FOXP1: variants seen among roughly 807,000 people sequenced by gnomAD.
FOXP1 encodes the protein forkhead box protein P1.
FOXP1 carries 15 observed loss-of-function variants against 98.2 expected under a neutral mutation model. That is an observed-to-expected ratio of 0.15 (90% CI 0.10 to 0.24). The LOEUF (loss-of-function observed/expected upper bound fraction) is 0.24. FOXP1 is among the 10% of genes least tolerant of loss of function. The pLI is 1.00. For synonymous variants in FOXP1, 371 were observed against 314.5 expected, an observed-to-expected ratio of 1.18 and a Z score of -1.90; for missense variants, 633 against 848.5, an observed-to-expected ratio of 0.75 and a Z score of 3.15.
intron 6 of FOXP1, among the ~76,000 whole-genome samples, chr3:71,135,288 C>T (rs1358983029): frequency 1.3e-5 from 2 of 151,526 alleles, no homozygotes; most frequent in Non-Finnish European, 2.9e-5. Context: ...AGTTATAATC[C>T]CCTATTAAGA....
At chr3:71,440,593 G>T (rs190137749) in intron 3 of FOXP1, among the ~76,000 whole-genome samples, 1 of 151,974 alleles carries the variant, frequency 6.6e-6, no homozygotes, top group African/African-American at 2.4e-5. Context: ...CAGAAGAATC[G>T]GCTGAGGCAG....
At chr3:70,994,543 T>C (rs1207077674) in intron 13 of FOXP1, among the ~76,000 whole-genome samples, 1 of 152,156 alleles carries the variant, frequency 6.6e-6, no homozygotes, top group Admixed American at 6.5e-5. Context: ...CCCTTGCTTT[T>C]AGAAACTCTG....
intron 2 of FOXP1, among the ~76,000 whole-genome samples, chr3:71,580,637 CA>C (rs1314527332): frequency 6.6e-6 from 1 of 152,052 alleles, no homozygotes; most frequent in East Asian, 1.9e-4. Flanking sequence ...CTAGTTTACA[CA>C]TCTCCCTCCA....
At chr3:71,475,975 C>T (rs1191145568) in intron 3 of FOXP1, among the ~76,000 whole-genome samples, 2 of 150,648 alleles carry the variant, frequency 1.3e-5, no homozygotes, top group Non-Finnish European at 2.9e-5. Flanking sequence ...GATACCTTTA[C>T]CACGTCAATG....
rs11914321 is a variant in FOXP1, at chr3:71,047,343, C to G, written c.511-248G>C. 9.6e-3 allele frequency among the ~76,000 whole-genome samples: 1,465 copies of G among 152,228 alleles called. 20 individuals carry two copies. The highest frequency in any genetic ancestry group is 0.026 in the African/African-American group (1,077 of 41,538). ...AATTCGTCCATCAAGCCAGCTTTCC[C>G]CCCAGTTTGAAAGGTCTGAGTTTTG... On this transcript the variant is annotated intron_variant, in intron 9 of 20. Transcript: ENST00000649528.
At chr3:71,322,810 A>ATGTGTTT (rs1576967048) in intron 4 of FOXP1, among the ~76,000 whole-genome samples, 2 of 152,176 alleles carry the variant, frequency 1.3e-5, no homozygotes, top group African/African-American at 4.8e-5. Flanking sequence ...TGACCACTGG[A>ATGTGTTT]TGTGTTTTGT....
At chr3:71,111,552 C>T (rs973830906) in intron 7 of FOXP1, among the ~76,000 whole-genome samples, 1 of 152,108 alleles carries the variant, frequency 6.6e-6, no homozygotes, top group Non-Finnish European at 1.5e-5. Flanking sequence ...CACCCGCCAC[C>T]AAGCTTGGCT....
intron 3 of FOXP1, among the ~76,000 whole-genome samples, chr3:71,384,583 T>C (rs60471552): frequency 0.045 from 6,813 of 152,250 alleles, 511 homozygotes; most frequent in African/African-American, 0.15. Context: ...CTCTCAGTAA[T>C]GTGGCCAATT....
intron 4 of FOXP1, among the ~76,000 whole-genome samples, chr3:71,342,718 A>G (rs1382462604): frequency 1.3e-5 from 2 of 151,260 alleles, no homozygotes; most frequent in African/African-American, 4.9e-5. Context: ...ACCTTGATCC[A>G]AGTCTAAAAT....
chr3:71,048,069 G>A (rs2049282617), intron 9 of FOXP1, among the ~76,000 whole-genome samples: 3 of 152,040 alleles, frequency 2.0e-5, no homozygotes, highest in Admixed American at 6.6e-5. Context: ...CAATCGTATC[G>A]AGGTGGAGGT....
At chr3:71,483,782 C>G (rs1484206495) in intron 3 of FOXP1, among the ~76,000 whole-genome samples, 1 of 151,996 alleles carries the variant, frequency 6.6e-6, no homozygotes, top group Admixed American at 6.6e-5. Flanking sequence ...GACTGAGCCT[C>G]CCACCATCAC....
chr3:71,191,153 G>A (rs1442504563), intron 6 of FOXP1, among the ~76,000 whole-genome samples: 2 of 152,204 alleles, frequency 1.3e-5, no homozygotes, highest in Non-Finnish European at 2.9e-5. Context: ...TGCCTGCTCA[G>A]CACTAGTTGT....
intron 6 of FOXP1, among the ~76,000 whole-genome samples, chr3:71,163,949 C>A (rs1235520681): frequency 6.6e-6 from 1 of 152,094 alleles, no homozygotes; most frequent in Non-Finnish European, 1.5e-5. Flanking sequence ...GCTTGCTCTC[C>A]TTCACAATGG....
intron 5 of FOXP1, among the ~76,000 whole-genome samples, chr3:71,215,417 T>A (rs1467987503): frequency 2.0e-5 from 3 of 152,128 alleles, no homozygotes; most frequent in Admixed American, 1.3e-4. Flanking sequence ...ATTAGACACA[T>A]AAATAAGTGG....
Position 71,457,325 on chromosome 3 carries a change from C to A in FOXP1, c.-168+36101G>T, listed in dbSNP as rs568017560. The stretch of plus-strand genomic sequence containing the variant: ...GTACTGTACCCACATGATCCTAGAA[C>A]TTCTAGGTAAATTACAATTACTGTG... On this transcript the variant is annotated intron_variant, in intron 3 of 20. Transcript: ENST00000649528. 3.9e-5 allele frequency among the ~76,000 whole-genome samples: 6 copies of A among 152,290 alleles called. No homozygotes were observed. The East Asian group carries it at 7.7e-4, about 20-fold the overall frequency.
rs773124823 is a variant in FOXP1, at chr3:70,972,712, T to C, written c.1531-36A>G. ...TATAAAAGAGAGAACATTTACATTT[T>C]CTATAAGAAAAGACTCCAAAAACAG... On this transcript the variant is annotated intron_variant, in intron 17 of 20. Transcript: ENST00000649528. The C allele has an allele frequency of 1.1e-5, 17 of 1,610,920 alleles. 1 individual carries two copies. In the South Asian group the frequency reaches 1.8e-4, roughly 17 times the overall value.
intron 7 of FOXP1, among the ~76,000 whole-genome samples, chr3:71,067,749 C>CACACACACACACACAA (rs2052703874): frequency 6.7e-6 from 1 of 150,092 alleles, no homozygotes; most frequent in Admixed American, 6.6e-5. Flanking sequence ...CACACACACA[C>CACACACACACACACAA]ACACACACAC....
chr3:71,559,871 G>A (rs138071192), intron 2 of FOXP1, among the ~76,000 whole-genome samples: 26 of 151,338 alleles, frequency 1.7e-4, no homozygotes, highest in Admixed American at 2.6e-4. Flanking sequence ...TTGCGGGGGG[G>A]ACCTACTAGG....
chr3:70,987,961 G>GC lies in FOXP1; in HGVS notation c.1146+32_1146+33insG, dbSNP rs764553395. 19 of 1,600,634 alleles carry GC rather than the reference G, an allele frequency of 1.2e-5. 1 individual carries two copies. Among genetic ancestry groups the GC allele is most frequent in the Non-Finnish European group, 1.6e-5 (19 of 1,168,026 alleles). On this transcript the variant is annotated intron_variant, in intron 14 of 20. Coordinates refer to ENST00000649528, the MANE Select transcript of FOXP1 (RefSeq NM_001349338.3). ...GTAGAAAAGGAATACTGTGAGTTTT[G>GC]TTTTTTTCCCCTTGGTGGGGATCAA... is the stretch of plus-strand genomic sequence containing the variant.
Sources: allele counts gnomAD v4.1 joint callset (sites outside exome capture counted in the v4.1 genomes callset), GRCh38; gene constraint gnomAD v4.1.1; transcripts MANE v1.5; gene names NCBI Gene and HGNC (gene_info 2026-07-23, HGNC 2026-07-21).